The following SYNDIG1 variants were observed in gnomAD, a reference collection of about 807,000 sequenced individuals.
The protein encoded by SYNDIG1 is synapse differentiation-inducing gene protein 1.
In SYNDIG1, 9 loss-of-function variants were observed where a neutral mutation model predicts 19.4. The ratio of observed to expected loss-of-function variants is 0.46; its 90% confidence interval spans 0.28 to 0.81. The LOEUF is 0.81. Among genes scored for constraint, SYNDIG1 ranks in the 30% least tolerant of loss-of-function variants. The pLI, the probability that SYNDIG1 is intolerant of heterozygous loss-of-function variation, is 0.12. For synonymous variants in SYNDIG1, 141 were observed against 145.9 expected, an observed-to-expected ratio of 0.97 and a Z score of 0.24; for missense variants, 311 against 343.3, an observed-to-expected ratio of 0.91 and a Z score of 0.74.
intron 3 of SYNDIG1, among the ~76,000 whole-genome samples, chr20:24,660,046 C>T (rs891706249): frequency 4.6e-5 from 7 of 152,120 alleles, no homozygotes; most frequent in Admixed American, 2.0e-4. Context: ...AATAGGATGC[C>T]GAGTCCGGCT....
chr20:24,570,657 A>G (rs1232431278), intron 2 of SYNDIG1, among the ~76,000 whole-genome samples: 1 of 152,214 alleles, frequency 6.6e-6, no homozygotes, highest in Non-Finnish European at 1.5e-5. Context: ...AATACTAGGT[A>G]CTGGCAGGGA....
At chr20:24,487,363 G>A (rs944074672) in intron 1 of SYNDIG1, among the ~76,000 whole-genome samples, 1 of 152,136 alleles carries the variant, frequency 6.6e-6, no homozygotes, top group South Asian at 2.1e-4. Flanking sequence ...GGTTTACTGA[G>A]GTGATGAGTG....
At chr20:24,646,468 G>T (rs938065179) in intron 3 of SYNDIG1, among the ~76,000 whole-genome samples, 6 of 152,106 alleles carry the variant, frequency 3.9e-5, no homozygotes, top group African/African-American at 1.4e-4. Flanking sequence ...GTCTCTATTA[G>T]CTCCTTCGAC....
chr20:24,503,253 C>A (rs537421533), intron 1 of SYNDIG1, among the ~76,000 whole-genome samples: 1 of 152,146 alleles, frequency 6.6e-6, no homozygotes, highest in Non-Finnish European at 1.5e-5. Context: ...TCCTTCTGCA[C>A]GGTACTTATC....
Position 24,477,335 on chromosome 20 carries a change from G to GT in SYNDIG1, c.-79+7592dup, listed in dbSNP as rs11476107. Among the ~76,000 whole-genome samples, 76 of 149,022 alleles carry GT rather than the reference G, an allele frequency of 5.1e-4. 1 individual carries two copies. In the East Asian group the frequency reaches 6.9e-3, roughly 14 times the overall value. ...AGCCCGTCCTCAAACACACTGTTTT[G>GT]TTTTTTTTTTCTTTTTTTACCAGAG... On this transcript the variant is annotated intron_variant, in intron 1 of 3. Transcript: ENST00000376862.
At chr20:24,507,709 T>G (rs975765381) in intron 1 of SYNDIG1, among the ~76,000 whole-genome samples, 1 of 152,190 alleles carries the variant, frequency 6.6e-6, no homozygotes, top group Admixed American at 6.5e-5. Context: ...GTATCGGGTG[T>G]GAGCAAGGCA....
intron 1 of SYNDIG1, among the ~76,000 whole-genome samples, chr20:24,529,084 G>A (rs137984257): frequency 7.6e-4 from 116 of 152,320 alleles, no homozygotes; most frequent in African/African-American, 2.7e-3. Flanking sequence ...GTGAGAATGC[G>A]TTCAAGGCTT....
In SYNDIG1 at chr20:24,543,077, C is replaced by T. The variant is rs192775198; in HGVS notation, c.-21C>T. 3.1e-6 allele frequency: 5 copies of T among 1,602,330 alleles called. No individual in the cohort carries two copies. In the Admixed American group the frequency reaches 5.0e-5, roughly 16 times the overall value. Reference sequence around the variant, plus strand: ...ACATTCCCAGCCCACCAGCCTGACGCCCAGCCAGGGAGAGAGTACCATGGA... The same window carrying T: ...ACATTCCCAGCCCACCAGCCTGACGTCCAGCCAGGGAGAGAGTACCATGGA... On this transcript the variant is annotated 5_prime_UTR_variant, in exon 2 of 4. Coordinates refer to ENST00000376862, the MANE Select transcript of SYNDIG1 (RefSeq NM_024893.3).
At chr20:24,612,811 C>A (rs759047640) in intron 3 of SYNDIG1, among the ~76,000 whole-genome samples, 2 of 152,190 alleles carry the variant, frequency 1.3e-5, no homozygotes, top group African/African-American at 4.8e-5. Flanking sequence ...AACATCACTG[C>A]CAGTCACTCA....
intron 1 of SYNDIG1, among the ~76,000 whole-genome samples, chr20:24,513,453 A>G (rs891502206): frequency 2.6e-5 from 4 of 152,238 alleles, no homozygotes; most frequent in South Asian, 2.1e-4. Flanking sequence ...GCTGAAAACC[A>G]TGGCACGAGA....
intron 1 of SYNDIG1, among the ~76,000 whole-genome samples, chr20:24,496,942 C>A (rs1013021243): frequency 1.3e-5 from 2 of 152,002 alleles, no homozygotes. Flanking sequence ...CTCCTGGTAC[C>A]TTTGAGTTTC....
intron 3 of SYNDIG1, among the ~76,000 whole-genome samples, chr20:24,636,666 C>T (rs1282730886): frequency 6.6e-6 from 1 of 152,190 alleles, no homozygotes. Context: ...GTTGAACCTG[C>T]CTGGCCACCA....
chr20:24,661,197 G>T (rs945395225), intron 3 of SYNDIG1, among the ~76,000 whole-genome samples: 10 of 152,094 alleles, frequency 6.6e-5, no homozygotes, highest in Non-Finnish European at 1.2e-4. Context: ...GGGCGGGGAG[G>T]TCCCCGTCAC....
intron 1 of SYNDIG1, among the ~76,000 whole-genome samples, chr20:24,498,248 A>G (rs2056348997): frequency 6.6e-6 from 1 of 152,192 alleles, no homozygotes; most frequent in Admixed American, 6.5e-5. Context: ...ATCACTATTC[A>G]TCACTTCCAA....
At chr20:24,499,624 T>A (rs1375971014) in intron 1 of SYNDIG1, among the ~76,000 whole-genome samples, 1 of 152,210 alleles carries the variant, frequency 6.6e-6, no homozygotes, top group Non-Finnish European at 1.5e-5. Context: ...AGAAGTGACA[T>A]GTACGGACTG....
chr20:24,553,638 C>G (rs1237040438), intron 2 of SYNDIG1, among the ~76,000 whole-genome samples: 4 of 152,176 alleles, frequency 2.6e-5, no homozygotes, highest in Admixed American at 2.6e-4. Context: ...GGCATTATTT[C>G]TGAGGGCTCT....
At chr20:24,581,614 T>C (rs2147003425) in intron 2 of SYNDIG1, among the ~76,000 whole-genome samples, 1 of 152,104 alleles carries the variant, frequency 6.6e-6, no homozygotes, top group South Asian at 2.1e-4. Flanking sequence ...CAGTGAGGGA[T>C]GGAGAGTGGA....
At chr20:24,492,545 G>C (rs1203503299) in intron 1 of SYNDIG1, among the ~76,000 whole-genome samples, 2 of 152,216 alleles carry the variant, frequency 1.3e-5, no homozygotes, top group Non-Finnish European at 2.9e-5. Context: ...CTTGAGCCAG[G>C]TTTGCATAAT....
At chr20:24,528,649 G>A (rs138527786) in intron 1 of SYNDIG1, among the ~76,000 whole-genome samples, 41 of 152,216 alleles carry the variant, frequency 2.7e-4, no homozygotes, top group Non-Finnish European at 4.6e-4. Context: ...AATCCTATGG[G>A]CGAGGGCTTA....
Sources: gnomAD v4.1 joint callset for allele counts (sites outside exome capture counted in the v4.1 genomes callset) on GRCh38, gnomAD v4.1.1 for gene constraint, MANE v1.5 for transcripts, NCBI Gene and HGNC (gene_info 2026-07-23, HGNC 2026-07-21) for gene names.